Variants in ERICH5 observed in about 807,000 individuals in gnomAD.
ERICH5 encodes glutamate-rich protein 5.
A neutral mutation model predicts 28.0 loss-of-function variants in ERICH5; 24 were observed. The ratio of observed to expected loss-of-function variants is 0.86; its 90% CI spans 0.62 to 1.21. The LOEUF is 1.21. Among genes scored for constraint, ERICH5 ranks in the 50% most tolerant of loss-of-function variants. ERICH5 has a pLI of 0.00. For synonymous variants in ERICH5, 163 were observed against 157.6 expected (o/e 1.03, Z -0.25); for missense variants, 421 against 441.2 (o/e 0.95, Z 0.41).
intron 2 of ERICH5, among the ~76,000 whole-genome samples, chr8:98,091,555 C>T (rs1815382470): frequency 1.3e-5 from 2 of 152,178 alleles, no homozygotes; most frequent in Non-Finnish European, 2.9e-5. Flanking sequence ...TGTGGGAGCC[C>T]AGGGGACCTT....
At position 98,091,836 on chromosome 8, in the gene ERICH5, T is replaced by TTC. The variant is rs1438399479; in HGVS notation, c.1013-1384_1013-1383insCT. Among the ~76,000 whole-genome samples, 170 of 107,220 alleles carry TTC rather than the reference T, an allele frequency of 1.6e-3. 2 individuals carry two copies. The highest frequency in any genetic ancestry group is 9.4e-3 in the Middle Eastern group (2 of 212). 70.3% of individuals were successfully genotyped at this position (107,220 alleles called of 152,430 possible). ...AGACTTTCTTTTTCTTTCTTTTTCTTTTTCTTTCTTTCTTTCTTTCTTTCT... is the reference window on the plus strand; with the variant it reads ...AGACTTTCTTTTTCTTTCTTTTTCTTTCTTTCTTTCTTTCTTTCTTTCTTTCT... On this transcript the variant is annotated intron_variant, in intron 2 of 2. Transcript: ENST00000318528.
intron 1 of ERICH5, among the ~76,000 whole-genome samples, chr8:98,077,731 C>G (rs191995720): frequency 6.0e-4 from 92 of 152,170 alleles, no homozygotes; most frequent in African/African-American, 2.2e-3. Context: ...CTTTCTCTCT[C>G]TCTGTCTCTT....
Position 98,064,568 on chromosome 8 carries a change from A to T in ERICH5, c.-102A>T. 2 of 1,023,388 alleles carry T rather than the reference A, an allele frequency of 2.0e-6. No homozygotes were observed. The highest frequency in any genetic ancestry group is 2.7e-6 in the Non-Finnish European group (2 of 730,440). The allele number at this position is 1,023,388 out of a possible 1,614,324, so 63.4% of individuals were successfully genotyped here. A position where few individuals can be genotyped will look rare whatever the true frequency, so the allele number is the denominator to read the frequency against. The stretch of plus-strand genomic sequence containing the variant: ...TCTACGCCCAAGGGAGCCGGGCTGC[A>T]GAGCTGGAGAAACTTCCGCGGCTAC... On this transcript the variant is annotated 5_prime_UTR_variant, in exon 1 of 3. Coordinates refer to ENST00000318528, the MANE Select transcript of ERICH5 (RefSeq NM_173549.3).
intron 1 of ERICH5, among the ~76,000 whole-genome samples, chr8:98,088,103 T>TTTTA (rs1554621435): frequency 6.6e-6 from 1 of 150,598 alleles, no homozygotes; most frequent in East Asian, 1.9e-4. Context: ...AATATTGGGA[T>TTTTA]TATATATATA....
At chr8:98,067,655 G>C (rs1373057894) in intron 1 of ERICH5, among the ~76,000 whole-genome samples, 1 of 148,492 alleles carries the variant, frequency 6.7e-6, no homozygotes, top group Non-Finnish European at 1.5e-5. Context: ...CGCTCTTGTT[G>C]CCCAGGCTGG....
At chr8:98,079,166 C>CTTTTTTTTTTTTTTTTT in intron 1 of ERICH5, among the ~76,000 whole-genome samples, 1 of 75,576 alleles carries the variant, frequency 1.3e-5, no homozygotes, top group Non-Finnish European at 2.8e-5. Flanking sequence ...TTTTTTTTTC[C>CTTTTTTTTTTTTTTTTT]TTTTTTTTTT....
chr8:98,088,292 T>C (rs1468857152), intron 1 of ERICH5, among the ~76,000 whole-genome samples: 1 of 152,192 alleles, frequency 6.6e-6, no homozygotes, highest in Non-Finnish European at 1.5e-5. Flanking sequence ...TTGCATCTTT[T>C]AAACTATCAC....
intron 1 of ERICH5, among the ~76,000 whole-genome samples, chr8:98,065,382 C>A (rs1814802480): frequency 6.6e-6 from 1 of 152,224 alleles, no homozygotes; most frequent in South Asian, 2.1e-4. Context: ...TTTCCCCTAT[C>A]TTCGGCTTAA....
intron 1 of ERICH5, among the ~76,000 whole-genome samples, chr8:98,065,142 G>T (rs1407790285): frequency 9.2e-5 from 14 of 152,216 alleles, no homozygotes; most frequent in Admixed American, 8.5e-4. Context: ...TCAGCACTTT[G>T]GGAGGCTGAG....
At chr8:98,084,081 G>A (rs1815230206) in intron 1 of ERICH5, among the ~76,000 whole-genome samples, 1 of 148,962 alleles carries the variant, frequency 6.7e-6, no homozygotes, top group African/African-American at 2.5e-5. Flanking sequence ...TAGACATCAG[G>A]TCTCGCTATA....
At chr8:98,074,063 T>A (rs929540789) in intron 1 of ERICH5, among the ~76,000 whole-genome samples, 3 of 151,364 alleles carry the variant, frequency 2.0e-5, no homozygotes, top group Non-Finnish European at 2.9e-5. Flanking sequence ...CCTGGCTAAT[T>A]TTTTTTTGTT....
In ERICH5 at chr8:98,073,403, C is replaced by CCTCTCT. The variant is rs372150799; in HGVS notation, c.58+8701_58+8706dup. Among the ~76,000 whole-genome samples, 4 of 26,848 alleles carry CCTCTCT rather than the reference C, an allele frequency of 1.5e-4. 1 individual carries two copies. The highest frequency in any genetic ancestry group is 4.6e-4 in the African/African-American group (2 of 4,362). The allele number at this position is 26,848 out of a possible 152,430, so 17.6% of individuals were successfully genotyped here. A position where few individuals can be genotyped will look rare whatever the true frequency, so the allele number is the denominator to read the frequency against. ...ACCAGCCTAACCAACATAGTGAGAC[C>CCTCTCT]CTCTCTCTCTCTCTCTCTCTCTCTC... On this transcript the variant is annotated intron_variant, in intron 1 of 2. Transcript: ENST00000318528.
At chr8:98,091,050 G>A (rs1431284558) in intron 2 of ERICH5, among the ~76,000 whole-genome samples, 1 of 152,054 alleles carries the variant, frequency 6.6e-6, no homozygotes, top group African/African-American at 2.4e-5. Flanking sequence ...CGATTCTCCC[G>A]CCTCAGCCTC....
intron 1 of ERICH5, among the ~76,000 whole-genome samples, chr8:98,077,181 T>G (rs960971734): frequency 2.0e-5 from 3 of 152,182 alleles, no homozygotes; most frequent in Non-Finnish European, 1.5e-5. Context: ...GTTGGAAAGA[T>G]TGAATGAGAT....
intron 1 of ERICH5, among the ~76,000 whole-genome samples, 191 bp downstream of exon 1, chr8:98,064,918 C>T (rs932257641): frequency 6.6e-6 from 1 of 152,216 alleles, no homozygotes; most frequent in Non-Finnish European, 1.5e-5. Context: ...GCTGTGACCG[C>T]GGGTGCGGCG....
In ERICH5 at chr8:98,064,711, C is replaced by G. The variant is rs770359840; in HGVS notation, c.42C>G (p.Ser14Arg). The G allele has an allele frequency of 7.2e-6, 11 of 1,534,276 alleles. No homozygotes were observed. The East Asian group carries it at 2.7e-4, about 38-fold the overall frequency. ...GCGCCCTCAACAAGGCCGGCGACAG[C>G]AGCAGGTTCCCCAGCGGTGAGCAGG... ...SSSALNKAGDSSRFPSVTSNE... is the reference protein window; with the variant it reads ...SSSALNKAGDRSRFPSVTSNE... The change falls in exon 1 of 3, where the codon AGC becomes AGG. Residue 14 changes from serine (S) to arginine (R), a missense_variant. Physicochemically the swap from Ser to Arg is moderately radical, Grantham distance 110. Coordinates refer to ENST00000318528, the MANE Select transcript of ERICH5 (RefSeq NM_173549.3).
chr8:98,091,372 A>T (rs115613704), intron 2 of ERICH5, among the ~76,000 whole-genome samples: 1 of 152,202 alleles, frequency 6.6e-6, no homozygotes, highest in Non-Finnish European at 1.5e-5. Flanking sequence ...ATGTGCGTGC[A>T]TCACCATAGT....
intron 1 of ERICH5, among the ~76,000 whole-genome samples, chr8:98,073,203 C>T (rs1411242683): frequency 1.3e-5 from 2 of 151,512 alleles, no homozygotes; most frequent in African/African-American, 4.9e-5. Context: ...CTCCATGCTG[C>T]TTCATCTACA....
chr8:98,071,542 A>T (rs1814918613), intron 1 of ERICH5, among the ~76,000 whole-genome samples: 1 of 152,034 alleles, frequency 6.6e-6, no homozygotes, highest in Non-Finnish European at 1.5e-5. Context: ...GCAATGGTGC[A>T]ATCATAGCTC....
Sources: gnomAD v4.1 joint callset for allele counts (sites outside exome capture counted in the v4.1 genomes callset) on GRCh38, gnomAD v4.1.1 for gene constraint, MANE v1.5 for transcripts, NCBI Gene and HGNC (gene_info 2026-07-23, HGNC 2026-07-21) for gene names.